ASTN2: variants seen among roughly 807,000 people sequenced by gnomAD.
ASTN2 encodes the protein astrotactin 2, also known as astrotactin-2.
A neutral mutation model predicts 139.8 loss-of-function variants in ASTN2; 54 were observed. The ratio of observed to expected loss-of-function variants is 0.39; its 90% CI spans 0.31 to 0.48. The LOEUF is 0.48. ASTN2 is among the 20% of genes least tolerant of loss of function. The pLI is 0.95. For missense variants in ASTN2, 1,565 were observed against 1,725.1 expected (o/e 0.91, Z 1.64); for synonymous variants, 756 against 719.5 (o/e 1.05, Z -0.81).
At chr9:116,701,707 T>TTATC (rs1390569831) in intron 16 of ASTN2, among the ~76,000 whole-genome samples, 1 of 152,198 alleles carries the variant, frequency 6.6e-6, no homozygotes, top group East Asian at 1.9e-4. Flanking sequence ...AGTAAAGCAG[T>TTATC]TATCTGTTGG....
At chr9:116,831,855 G>A (rs757829464) in intron 11 of ASTN2, among the ~76,000 whole-genome samples, 17 of 152,200 alleles carry the variant, frequency 1.1e-4, no homozygotes, top group Non-Finnish European at 2.5e-4. Context: ...TCAATTCGAG[G>A]CATGTGGACA....
chr9:117,266,268 TA>T (rs2133116789), intron 2 of ASTN2, among the ~76,000 whole-genome samples: 1 of 152,212 alleles, frequency 6.6e-6, no homozygotes, highest in African/African-American at 2.4e-5. Context: ...GATCCAGTAA[TA>T]AGCACGCCTA....
chr9:117,048,376 T>C (rs1320310168), intron 5 of ASTN2, among the ~76,000 whole-genome samples: 1 of 152,158 alleles, frequency 6.6e-6, no homozygotes, highest in Non-Finnish European at 1.5e-5. Flanking sequence ...GAAAATACTA[T>C]GGGCCTGAAG....
intron 6 of ASTN2, among the ~76,000 whole-genome samples, chr9:117,023,279 C>G (rs1475859310): frequency 1.3e-5 from 2 of 152,160 alleles, no homozygotes; most frequent in East Asian, 1.9e-4. Context: ...GTGCTCACTT[C>G]TACAACTCAT....
chr9:116,951,753 T>C (rs1835570536), intron 10 of ASTN2, among the ~76,000 whole-genome samples: 1 of 152,220 alleles, frequency 6.6e-6, no homozygotes, highest in Non-Finnish European at 1.5e-5. Flanking sequence ...CTTTTCTCTC[T>C]TCCACTCAAG....
At chr9:116,756,699 G>A (rs1290799232) in intron 13 of ASTN2, among the ~76,000 whole-genome samples, 3 of 151,380 alleles carry the variant, frequency 2.0e-5, no homozygotes, top group African/African-American at 4.9e-5. Context: ...AGCTCAATTC[G>A]GCCTCCATCC....
At position 117,016,685 on chromosome 9, in the gene ASTN2, T is replaced by A. The variant is rs570141464; in HGVS notation, c.1424-8426A>T. Among the ~76,000 whole-genome samples the A allele has an allele frequency of 2.2e-4, 28 of 128,258 alleles. 1 individual carries two copies. The South Asian group carries it at 5.5e-3, about 25-fold the overall frequency. 84.1% of individuals were successfully genotyped at this position (128,258 alleles called of 152,430 possible). A position where few individuals can be genotyped will look rare whatever the true frequency, so the allele number is the denominator to read the frequency against. On this transcript the variant is annotated intron_variant, in intron 6 of 22. Coordinates refer to ENST00000313400, the MANE Select transcript of ASTN2 (RefSeq NM_001365068.1). ...TATATATATGTTACATATATATAGG[T>A]TATATATATATGTTACATATATATA...
At chr9:116,980,001 A>G (rs1836462294) in intron 7 of ASTN2, among the ~76,000 whole-genome samples, 1 of 152,186 alleles carries the variant, frequency 6.6e-6, no homozygotes, top group African/African-American at 2.4e-5. Flanking sequence ...TGCTCATTAT[A>G]CAACAAATAT....
At chr9:117,032,570 C>G (rs1838278214) in intron 6 of ASTN2, among the ~76,000 whole-genome samples, 3 of 152,276 alleles carry the variant, frequency 2.0e-5, no homozygotes, top group African/African-American at 7.2e-5. Flanking sequence ...ATTTTCCCTT[C>G]TAAGAATTGA....
chr9:117,243,727 C>T (rs144891734), intron 2 of ASTN2, among the ~76,000 whole-genome samples: 240 of 152,266 alleles, frequency 1.6e-3, no homozygotes, highest in Middle Eastern at 6.8e-3. Flanking sequence ...TTATTTCCAA[C>T]TAAAATTCTT....
chr9:117,272,091 G>A (rs1342742510), intron 2 of ASTN2, among the ~76,000 whole-genome samples: 1 of 152,196 alleles, frequency 6.6e-6, no homozygotes, highest in Non-Finnish European at 1.5e-5. Context: ...TGCCCCTGCA[G>A]CAAACTTTTG....
intron 16 of ASTN2, among the ~76,000 whole-genome samples, chr9:116,723,687 C>A (rs1349027484): frequency 2.0e-5 from 3 of 152,170 alleles, no homozygotes; most frequent in African/African-American, 7.2e-5. Context: ...CCTAGCATCA[C>A]TCCCAAATAT....
chr9:117,389,900 C>T (rs906217454), intron 1 of ASTN2, among the ~76,000 whole-genome samples: 2 of 150,950 alleles, frequency 1.3e-5, no homozygotes, highest in Non-Finnish European at 2.9e-5. Context: ...ACAGTGTATT[C>T]GGGGGTAGGT....
chr9:116,772,100 T>C (rs1829966137), intron 13 of ASTN2, among the ~76,000 whole-genome samples: 1 of 152,228 alleles, frequency 6.6e-6, no homozygotes. Flanking sequence ...CCAGCAGGAC[T>C]GAAAAAGTTG....
intron 1 of ASTN2, among the ~76,000 whole-genome samples, chr9:117,334,328 T>C (rs10983625): frequency 0.088 from 13,381 of 152,114 alleles, 707 homozygotes; most frequent in Non-Finnish European, 0.1. Context: ...GGTGGTGGAA[T>C]CAGGAAGTTC....
intron 1 of ASTN2, among the ~76,000 whole-genome samples, chr9:117,393,738 AGGAATGGGCAGGCTCTGAGGT>A (rs1588008279): frequency 1.3e-5 from 2 of 152,130 alleles, no homozygotes; most frequent in African/African-American, 2.4e-5. Flanking sequence ...GCTAAGGCCT[AGGAATGGGCAGGCTCTGAGGT>A]GGAATGGGCA....
intron 14 of ASTN2, 48 bp downstream of exon 14, chr9:116,733,351 C>CT: frequency 6.3e-7 from 1 of 1,589,522 alleles, no homozygotes; most frequent in Non-Finnish European, 8.6e-7. Flanking sequence ...TGTGGAGACT[C>CT]GGTGTGTGGT....
At chr9:116,607,173 C>T (rs548216992) in intron 19 of ASTN2, among the ~76,000 whole-genome samples, 2 of 152,316 alleles carry the variant, frequency 1.3e-5, no homozygotes, top group East Asian at 3.9e-4. Context: ...TAAAACTACA[C>T]AGTGCTCAAG....
At chr9:116,860,811 G>T (rs1832857323) in intron 11 of ASTN2, among the ~76,000 whole-genome samples, 1 of 152,182 alleles carries the variant, frequency 6.6e-6, no homozygotes, top group Non-Finnish European at 1.5e-5. Context: ...TGAGCTCTTA[G>T]CTTGTAGACA....
Sources: gnomAD v4.1 joint callset for allele counts (sites outside exome capture counted in the v4.1 genomes callset) on GRCh38, gnomAD v4.1.1 for gene constraint, MANE v1.5 for transcripts, NCBI Gene and HGNC (gene_info 2026-07-23, HGNC 2026-07-21) for gene names.